Variants in CELF2 observed in about 807,000 individuals in gnomAD.
The protein encoded by CELF2 is CUG triplet repeat RNA-binding protein 2.
CELF2 carries 8 observed loss-of-function variants against 62.6 expected under a neutral mutation model. That is an observed-to-expected ratio of 0.13 (90% CI 0.07 to 0.23). The LOEUF (loss-of-function observed/expected upper bound fraction) is 0.23, where lower values mean the gene tolerates loss of function less well. Among genes scored for constraint, CELF2 ranks in the 10% least tolerant of loss-of-function variants. CELF2 has a pLI of 1.00. For synonymous variants in CELF2, 258 were observed against 250.0 expected (o/e 1.03, Z -0.30); for missense variants, 333 against 671.0 (o/e 0.50, Z 5.56).
intron 2 of CELF2, among the ~76,000 whole-genome samples, chr10:11,195,157 G>T (rs2057121099): frequency 6.6e-6 from 1 of 152,184 alleles, no homozygotes; most frequent in African/African-American, 2.4e-5. Context: ...ACCTCTAGGT[G>T]TGATAATATT....
chr10:11,019,460 A>T (rs1210343491), intron 1 of CELF2, among the ~76,000 whole-genome samples: 1 of 152,006 alleles, frequency 6.6e-6, no homozygotes, highest in African/African-American at 2.4e-5. Flanking sequence ...AGGCTTTATG[A>T]TCCATTTCCC....
rs1032582280 is a variant in CELF2, at chr10:11,012,766, A to T, written c.53+7326A>T. Among the ~76,000 whole-genome samples, 1 of 152,182 alleles carries T rather than the reference A, an allele frequency of 6.6e-6. No individual in the cohort carries two copies. The highest frequency in any genetic ancestry group is 6.5e-5 in the Admixed American group (1 of 15,276). ...GGGAAGGAATGAAAACCTCATTCTGATAAGTGTAAATTTTGTTCCTGCCGC... is the reference window on the plus strand; with the variant it reads ...GGGAAGGAATGAAAACCTCATTCTGTTAAGTGTAAATTTTGTTCCTGCCGC... On this transcript the variant is annotated intron_variant, in intron 1 of 12. Coordinates refer to the CELF2 transcript ENST00000416382. This position sits in a 1 kb window ranked among gnomAD's most constrained non-coding sequence, Gnocchi z 5.5.
intron 1 of CELF2, among the ~76,000 whole-genome samples, chr10:10,868,953 C>T (rs2060554827): frequency 6.6e-6 from 1 of 152,180 alleles, no homozygotes; most frequent in African/African-American, 2.4e-5. Context: ...TCTTTCTCGA[C>T]TACAGAACTA....
chr10:11,026,296 T>TA (rs890079141), intron 1 of CELF2, among the ~76,000 whole-genome samples: 2 of 152,082 alleles, frequency 1.3e-5, no homozygotes, highest in African/African-American at 4.8e-5. Flanking sequence ...ACTGAACACT[T>TA]AAAAAAGGTG....
chr10:10,905,362 C>T (rs1780593488), intron 1 of CELF2, among the ~76,000 whole-genome samples: 1 of 152,162 alleles, frequency 6.6e-6, no homozygotes, highest in Non-Finnish European at 1.5e-5. Context: ...ACTATTTATT[C>T]ACCACCACAC....
intron 2 of CELF2, among the ~76,000 whole-genome samples, chr10:10,940,530 G>A (rs1342386641): frequency 6.6e-6 from 1 of 152,190 alleles, no homozygotes; most frequent in Non-Finnish European, 1.5e-5. Context: ...AAGAGGTTCT[G>A]TGTCACACAA....
chr10:11,178,023 A>G lies in CELF2; in HGVS notation c.271+12341A>G, dbSNP rs1210399371. Among the ~76,000 whole-genome samples, 1 of 152,114 alleles carries G rather than the reference A, an allele frequency of 6.6e-6. No homozygotes were observed. Among genetic ancestry groups the G allele is most frequent in the Non-Finnish European group, 1.5e-5 (1 of 68,014 alleles). ...GTAGGATAAAGGAGACGACATCTGA[A>G]AAGAGGGTTTCAGGTGTTTGCAAAG... On this transcript the variant is annotated intron_variant, in intron 2 of 12. Transcript: ENST00000633077. The surrounding 1 kb of genome is among the most constrained non-coding windows in gnomAD (Gnocchi z 4.3).
At chr10:10,735,741 GATA>G in the CELF2 span, among the ~76,000 whole-genome samples, 1 of 152,202 alleles carries the variant, frequency 6.6e-6, no homozygotes, top group African/African-American at 2.4e-5. Flanking sequence ...TGGCTATGGT[GATA>G]ATAAGTGGTC....
In CELF2 at chr10:11,227,038, CAG is replaced by C. The variant is rs1271789296; in HGVS notation, c.354+9532_354+9533del. 2.0e-5 allele frequency among the ~76,000 whole-genome samples: 3 copies of C among 152,274 alleles called. No individual in the cohort carries two copies. The highest frequency in any genetic ancestry group is 4.1e-4 in the South Asian group (2 of 4,826). On this transcript the variant is annotated intron_variant, in intron 3 of 12. Transcript: ENST00000633077. The surrounding 1 kb of genome is among the most constrained non-coding windows in gnomAD (Gnocchi z 4.8). ...TTGCTCTGCTTCCGTGTTCCACAGA[CAG>C]GGGAAGGGCAAGTATGGAGGCTCAC...
the CELF2 span, among the ~76,000 whole-genome samples, chr10:10,656,262 C>T: frequency 1.3e-5 from 2 of 151,404 alleles, no homozygotes; most frequent in Non-Finnish European, 2.9e-5. Context: ...AGCACTTTTA[C>T]CCTGTTGGTG....
At chr10:11,150,773 C>G (rs998521194) in intron 1 of CELF2, among the ~76,000 whole-genome samples, 1 of 152,190 alleles carries the variant, frequency 6.6e-6, no homozygotes, top group Non-Finnish European at 1.5e-5. Context: ...GTGGAGCTCC[C>G]GTCTCTCCAA....
At chr10:11,100,558 ACTTTCAG>A (rs140487212) in intron 1 of CELF2, among the ~76,000 whole-genome samples, 6,226 of 151,824 alleles carry the variant, frequency 0.041, 146 homozygotes, top group Non-Finnish European at 0.055. Context: ...TGAAAAGGGA[ACTTTCAG>A]AAGTCTGTGA....
chr10:10,643,722 A>G, the CELF2 span, among the ~76,000 whole-genome samples: 2 of 152,198 alleles, frequency 1.3e-5, no homozygotes, highest in Non-Finnish European at 2.9e-5. Flanking sequence ...GAAGAGGACA[A>G]CAGGAGTTTC....
intron 1 of CELF2, chr10:11,097,348 T>C (rs543248273): frequency 6.6e-6 from 1 of 152,350 alleles, no homozygotes; most frequent in African/African-American, 2.4e-5. Flanking sequence ...CATTTGCTTT[T>C]CAAGCACTTT....
At chr10:11,203,588 A>T (rs960521155) in intron 2 of CELF2, among the ~76,000 whole-genome samples, 2 of 152,182 alleles carry the variant, frequency 1.3e-5, no homozygotes, top group Admixed American at 1.3e-4. Context: ...CTCTGTCAAG[A>T]CACCCCCTCT....
At chr10:11,033,273 T>C (rs1403965460) in intron 1 of CELF2, among the ~76,000 whole-genome samples, 2 of 121,958 alleles carry the variant, frequency 1.6e-5, no homozygotes, top group African/African-American at 5.4e-5. Flanking sequence ...TTTTTTTTTT[T>C]TTTTAGACAG....
the CELF2 span, among the ~76,000 whole-genome samples, chr10:10,772,160 A>G: frequency 6.6e-6 from 1 of 151,998 alleles, no homozygotes; most frequent in Non-Finnish European, 1.5e-5. Flanking sequence ...TATTATATTC[A>G]AGAAAAAAAA....
At chr10:11,007,847 G>A (rs960337544) in intron 1 of CELF2, among the ~76,000 whole-genome samples, 4 of 152,126 alleles carry the variant, frequency 2.6e-5, no homozygotes, top group Non-Finnish European at 5.9e-5. Flanking sequence ...AAACCCCCAC[G>A]TTGAATTTTT....
intron 1 of CELF2, among the ~76,000 whole-genome samples, chr10:11,124,384 A>T (rs1270950559): frequency 6.6e-6 from 1 of 152,236 alleles, no homozygotes; most frequent in African/African-American, 2.4e-5. Context: ...GGAAAGGACA[A>T]TATCACTTAG....
Sources: gnomAD v4.1 joint callset for allele counts (sites outside exome capture counted in the v4.1 genomes callset) on GRCh38, gnomAD v4.1.1 for gene constraint, Gnocchi (gnomAD v3.1) non-coding constraint, MANE v1.5 for transcripts, NCBI Gene and HGNC (gene_info 2026-07-23, HGNC 2026-07-21) for gene names.